SEMA3E: variants seen among roughly 807,000 people sequenced by gnomAD.
The protein encoded by SEMA3E is semaphorin-3E.
A neutral mutation model predicts 93.6 loss-of-function variants in SEMA3E; 49 were observed. The ratio of observed to expected loss-of-function variants is 0.52; its 90% confidence interval spans 0.42 to 0.66. The LOEUF is 0.66. Ranked by LOEUF, SEMA3E falls within the 30% of genes least tolerant of loss-of-function variation. The probability of loss-of-function intolerance (pLI) is 0.00; values close to 1 mark genes in which losing one functional copy is unlikely to be tolerated. For synonymous variants in SEMA3E, 363 were observed against 330.7 expected (o/e 1.10, Z -1.06); for missense variants, 906 against 964.8 (o/e 0.94, Z 0.81).
intron 1 of SEMA3E, among the ~76,000 whole-genome samples, chr7:83,609,750 T>C (rs1793209269): frequency 1.3e-5 from 2 of 151,990 alleles, no homozygotes; most frequent in South Asian, 4.1e-4. Context: ...CAATCTTGCA[T>C]AAAACTTGTT....
chr7:83,398,095 C>T (rs1489643063), intron 11 of SEMA3E, among the ~76,000 whole-genome samples: 1 of 152,104 alleles, frequency 6.6e-6, no homozygotes, highest in African/African-American at 2.4e-5. Context: ...GTACCCATTT[C>T]ATTCATTAAA....
intron 1 of SEMA3E, among the ~76,000 whole-genome samples, chr7:83,536,957 T>A (rs572136161): frequency 6.6e-6 from 1 of 152,078 alleles, no homozygotes; most frequent in African/African-American, 2.4e-5. Flanking sequence ...GTAATTAAGG[T>A]CATTAAGGTG....
chr7:83,433,678 T>C (rs1333733898), intron 4 of SEMA3E, among the ~76,000 whole-genome samples: 2 of 152,090 alleles, frequency 1.3e-5, no homozygotes, highest in African/African-American at 2.4e-5. Flanking sequence ...TTTTTCAAAA[T>C]CTAAAATTTT....
At chr7:83,638,659 A>C (rs1793929138) in intron 1 of SEMA3E, among the ~76,000 whole-genome samples, 1 of 152,192 alleles carries the variant, frequency 6.6e-6, no homozygotes, top group Admixed American at 6.5e-5. Context: ...TGATTTGGAC[A>C]TTCAACAACA....
rs71074657 is a variant in SEMA3E at position 83,423,670 on chromosome 7, A to ATT, written c.457-5189_457-5188dup. ...AGACGCCCACCACCACGCCCGGCTA[A>ATT]TTTTTTTTTTTTTTGTACTTTTAGT... On this transcript the variant is annotated intron_variant, in intron 4 of 16. Transcript: ENST00000643230. 4.2e-3 allele frequency among the ~76,000 whole-genome samples: 600 copies of ATT among 142,706 alleles called. 4 individuals are homozygous for ATT. Among genetic ancestry groups the ATT allele is most frequent in the Middle Eastern group, 7.2e-3 (2 of 278 alleles). 93.6% of individuals were successfully genotyped at this position (142,706 alleles called of 152,430 possible).
rs555458884 is a variant in SEMA3E at position 83,521,970 on chromosome 7, G to A, written c.116-31696C>T. Among the ~76,000 whole-genome samples, 113 of 152,192 alleles carry A rather than the reference G, an allele frequency of 7.4e-4. 1 individual carries two copies. The highest frequency in any genetic ancestry group is 6.8e-3 in the Middle Eastern group (2 of 294). On this transcript the variant is annotated intron_variant, in intron 1 of 16. Transcript: ENST00000643230. ...TATCTAAAGTCATGATGCCAAGATG[G>A]CACTCAGGGCAGAGACAAAAATTTG... is the stretch of plus-strand genomic sequence containing the variant.
chr7:83,436,705 G>A (rs1397830775), intron 4 of SEMA3E, among the ~76,000 whole-genome samples: 2 of 151,962 alleles, frequency 1.3e-5, no homozygotes, highest in Non-Finnish European at 1.5e-5. Context: ...AAACCCAATG[G>A]TGCATAATGC....
At chr7:83,382,725 T>C (rs950505587) in intron 16 of SEMA3E, among the ~76,000 whole-genome samples, 1 of 151,632 alleles carries the variant, frequency 6.6e-6, no homozygotes, top group Non-Finnish European at 1.5e-5. Context: ...CCACATGAAG[T>C]ATCTAGCAAA....
chr7:83,625,965 A>G (rs1350725834), intron 1 of SEMA3E, among the ~76,000 whole-genome samples: 1 of 152,138 alleles, frequency 6.6e-6, no homozygotes, highest in Admixed American at 6.5e-5. Flanking sequence ...TGAGATAATC[A>G]TGTGGTTGTT....
At chr7:83,439,413 A>C (rs1789066265) in intron 4 of SEMA3E, among the ~76,000 whole-genome samples, 1 of 152,178 alleles carries the variant, frequency 6.6e-6, no homozygotes, top group African/African-American at 2.4e-5. Flanking sequence ...CAACAAAGGA[A>C]ATTTTGGAAA....
intron 4 of SEMA3E, among the ~76,000 whole-genome samples, chr7:83,434,219 A>G (rs1263884969): frequency 6.6e-6 from 1 of 152,080 alleles, no homozygotes; most frequent in Admixed American, 6.5e-5. Flanking sequence ...ATTGTTTCAT[A>G]TATTGCTCTT....
chr7:83,441,560 C>A (rs919271387), intron 4 of SEMA3E, among the ~76,000 whole-genome samples: 3 of 152,122 alleles, frequency 2.0e-5, no homozygotes, highest in African/African-American at 7.2e-5. Flanking sequence ...ACAATGATAG[C>A]TATAGTCATA....
At position 83,586,968 on chromosome 7, in the gene SEMA3E, G is replaced by A. The variant is rs537571035; in HGVS notation, c.115+61460C>T. ...ATTTCATGCTTACTGGAATAGCTGT[G>A]ATTCTGCATTTTGTACATTGAAGGC... On this transcript the variant is annotated intron_variant, in intron 1 of 16. Coordinates refer to ENST00000643230, the MANE Select transcript of SEMA3E (RefSeq NM_012431.3). Among the ~76,000 whole-genome samples the A allele has an allele frequency of 3.5e-4, 54 of 152,228 alleles. 2 individuals are homozygous for A. The Middle Eastern group carries it at 0.045, about 126-fold the overall frequency.
chr7:83,561,623 C>G (rs1056445106), intron 1 of SEMA3E, among the ~76,000 whole-genome samples: 2 of 152,024 alleles, frequency 1.3e-5, no homozygotes, highest in East Asian at 1.9e-4. Context: ...CTCATGCGCT[C>G]TCATAGTAAC....
chr7:83,624,188 T>A (rs2115643762), intron 1 of SEMA3E, among the ~76,000 whole-genome samples: 1 of 152,324 alleles, frequency 6.6e-6, no homozygotes, highest in Admixed American at 6.5e-5. Flanking sequence ...TAAACATACA[T>A]GTGCATGTGT....
chr7:83,490,834 C>G (rs568345909), intron 1 of SEMA3E, among the ~76,000 whole-genome samples: 20 of 152,184 alleles, frequency 1.3e-4, no homozygotes, highest in African/African-American at 4.8e-4. Context: ...TGCTAATACT[C>G]TTGCATTCGT....
intron 1 of SEMA3E, among the ~76,000 whole-genome samples, chr7:83,580,177 G>C (rs137968542): frequency 2.6e-3 from 395 of 152,124 alleles, no homozygotes; most frequent in Non-Finnish European, 4.3e-3. Context: ...TGTAAAACTT[G>C]ATAGGAATAC....
At chr7:83,461,476 A>G (rs527885660) in intron 4 of SEMA3E, among the ~76,000 whole-genome samples, 2 of 152,040 alleles carry the variant, frequency 1.3e-5, no homozygotes, top group Non-Finnish European at 2.9e-5. Flanking sequence ...ATCCCTCCCC[A>G]TCCTGCCCAA....
chr7:83,640,429 C>T (rs1474156576), intron 1 of SEMA3E, among the ~76,000 whole-genome samples: 1 of 151,850 alleles, frequency 6.6e-6, no homozygotes, highest in African/African-American at 2.4e-5. Flanking sequence ...TGTGCAGTGC[C>T]CTAATTCCTC....
Sources: allele counts gnomAD v4.1 joint callset (sites outside exome capture counted in the v4.1 genomes callset), GRCh38; gene constraint gnomAD v4.1.1; transcripts MANE v1.5; gene names NCBI Gene and HGNC (gene_info 2026-07-23, HGNC 2026-07-21).